Variants in EPB41L3 observed in about 807,000 individuals in gnomAD.
The protein encoded by EPB41L3 is erythrocyte membrane protein band 4.1 like 3, also known as band 4.1-like protein 3.
In EPB41L3, 57 loss-of-function variants were observed where a neutral mutation model predicts 127.1. The ratio of observed to expected loss-of-function variants is 0.45; its 90% CI spans 0.36 to 0.56. EPB41L3 has a LOEUF of 0.56. Among genes scored for constraint, EPB41L3 ranks in the 20% least tolerant of loss-of-function variants. The probability of loss-of-function intolerance (pLI) is 0.00; values close to 1 mark genes in which losing one functional copy is unlikely to be tolerated. For missense variants in EPB41L3, 1,273 were observed against 1,372.2 expected (o/e 0.93, Z 1.14); for synonymous variants, 572 against 549.5 (o/e 1.04, Z -0.57).
intron 8 of EPB41L3, among the ~76,000 whole-genome samples, 181 bp from the exon 9 acceptor site, chr18:5,428,646 C>T (rs1475285025): frequency 6.6e-6 from 1 of 152,184 alleles, no homozygotes; most frequent in Non-Finnish European, 1.5e-5. Flanking sequence ...ATGTTTATCA[C>T]TATGGAGAGG....
chr18:5,419,294 T>C (rs2077188520), intron 12 of EPB41L3, among the ~76,000 whole-genome samples: 1 of 152,164 alleles, frequency 6.6e-6, no homozygotes, highest in Non-Finnish European at 1.5e-5. Flanking sequence ...GTACTTACAG[T>C]CAGAAGAATG....
At chr18:5,412,897 A>C (rs1302777681) in intron 13 of EPB41L3, among the ~76,000 whole-genome samples, 2 of 151,934 alleles carry the variant, frequency 1.3e-5, no homozygotes, top group Non-Finnish European at 2.9e-5. Context: ...TGCCTATAAC[A>C]ATTATATTAT....
chr18:5,412,532 T>C (rs967250343), intron 13 of EPB41L3, among the ~76,000 whole-genome samples: 5 of 152,248 alleles, frequency 3.3e-5, no homozygotes, highest in Admixed American at 6.5e-5. Flanking sequence ...CCAGCTCGAA[T>C]GACTTGCATT....
intron 1 of EPB41L3, among the ~76,000 whole-genome samples, chr18:5,519,207 CT>C (rs1487130977): frequency 6.6e-6 from 1 of 152,198 alleles, no homozygotes; most frequent in African/African-American, 2.4e-5. Context: ...AAAAACTGTC[CT>C]TGTTGCCGGG....
chr18:5,448,729 A>G (rs1965652), intron 3 of EPB41L3, among the ~76,000 whole-genome samples: 104,120 of 152,032 alleles, frequency 0.68, 36,340 homozygotes, highest in East Asian at 0.83. Flanking sequence ...TTCAGTTTGT[A>G]TATACTATTC....
chr18:5,464,695 G>C (rs193299986), intron 3 of EPB41L3, among the ~76,000 whole-genome samples: 20 of 152,208 alleles, frequency 1.3e-4, no homozygotes, highest in Non-Finnish European at 2.5e-4. Flanking sequence ...TGCTATGGAA[G>C]GGCAAATATA....
intron 3 of EPB41L3, among the ~76,000 whole-genome samples, chr18:5,456,670 G>A (rs75388831): frequency 4.5e-4 from 68 of 152,280 alleles, no homozygotes; most frequent in African/African-American, 1.6e-3. Flanking sequence ...CCCTGTTTGA[G>A]CCACTGAGGG....
intron 5 of EPB41L3, among the ~76,000 whole-genome samples, chr18:5,442,186 C>T (rs1197932506): frequency 6.6e-6 from 1 of 152,094 alleles, no homozygotes; most frequent in Non-Finnish European, 1.5e-5. Flanking sequence ...CTCTTTAATA[C>T]TCCTTAGAAA....
At chr18:5,584,892 A>T (rs1304058368) in intron 3 of EPB41L3, among the ~76,000 whole-genome samples, 1 of 152,230 alleles carries the variant, frequency 6.6e-6, no homozygotes, top group African/African-American at 2.4e-5. Context: ...TCTTAAATAA[A>T]AAAATGAATA....
chr18:5,598,697 C>G (rs530771790), intron 3 of EPB41L3, among the ~76,000 whole-genome samples: 14 of 152,142 alleles, frequency 9.2e-5, no homozygotes, highest in African/African-American at 3.4e-4. Flanking sequence ...AAGGAAGGCT[C>G]TCATTGCTGG....
chr18:5,417,563 G>A (rs1335320947), intron 12 of EPB41L3, among the ~76,000 whole-genome samples: 1 of 152,160 alleles, frequency 6.6e-6, no homozygotes, highest in South Asian at 2.1e-4. Flanking sequence ...TGTGTGTTTT[G>A]CCCAGTGGCC....
At chr18:5,626,006 T>G (rs751599700) in intron 1 of EPB41L3, among the ~76,000 whole-genome samples, 3 of 151,988 alleles carry the variant, frequency 2.0e-5, no homozygotes, top group Non-Finnish European at 4.4e-5. Flanking sequence ...GCTGCTTGAC[T>G]GAAATCGCAC....
At chr18:5,481,820 C>T (rs991809246) in intron 2 of EPB41L3, among the ~76,000 whole-genome samples, 3 of 152,176 alleles carry the variant, frequency 2.0e-5, no homozygotes, top group East Asian at 3.9e-4. Flanking sequence ...CCATCGCTTA[C>T]GAGAGCCAAG....
chr18:5,433,008 G>A (rs1329002848), intron 8 of EPB41L3, among the ~76,000 whole-genome samples: 5 of 152,172 alleles, frequency 3.3e-5, no homozygotes, highest in East Asian at 1.9e-4. Flanking sequence ...TTGGACAATC[G>A]GCTGAGTTCG....
At chr18:5,445,692 C>A (rs150625651) in intron 3 of EPB41L3, among the ~76,000 whole-genome samples, 2 of 152,176 alleles carry the variant, frequency 1.3e-5, no homozygotes, top group Admixed American at 6.5e-5. Flanking sequence ...GGGCCATGGA[C>A]GGTTACTGGT....
At chr18:5,413,247 T>C (rs904466805) in intron 13 of EPB41L3, among the ~76,000 whole-genome samples, 5 of 152,212 alleles carry the variant, frequency 3.3e-5, no homozygotes, top group African/African-American at 9.6e-5. Flanking sequence ...GAAATACACA[T>C]GTAATTGCAT....
rs2073035540 is a variant in EPB41L3 at position 5,394,669 on chromosome 18, C to T, written c.*6+8G>A. On this transcript the variant is annotated splice_region_variant and intron_variant, in intron 22 of 22. Transcript: ENST00000341928. ...AGGCAAGCCTAGAGAATCGGCATCA[C>T]CTCTTACCTCTGGTCAATCCTCTCC... 6.2e-7 allele frequency: 1 copy of T among 1,610,366 alleles called. No individual in the cohort carries two copies. Among genetic ancestry groups the T allele is most frequent in the Non-Finnish European group, 8.5e-7 (1 of 1,176,796 alleles).
Position 5,394,706 on chromosome 18 carries a change from T to A in EPB41L3, c.3241A>T (p.Thr1081Ser), listed in dbSNP as rs1411880414. The A allele has an allele frequency of 6.2e-7, 1 of 1,614,174 alleles. No homozygotes were observed. Among genetic ancestry groups the A allele is most frequent in the Admixed American group, 1.7e-5 (1 of 60,026 alleles). ...KVVVHKETEI[T>S]PEDGED The stretch of plus-strand genomic sequence containing the variant: ...GGTCAATCCTCTCCATCTTCTGGTG[T>A]GATCTCTGTCTCTTTATGGACCACT... Residue 1081 changes from threonine (T) to serine (S), a missense_variant, in exon 22 of 23, where the codon ACA (threonine) becomes TCA (serine). Around this residue, in one of 3 missense-constraint regions of EPB41L3, gnomAD observed 765 missense variants for 782.9 expected, o/e 0.98. Transcript: ENST00000341928.
At chr18:5,454,981 C>T (rs2082817169) in intron 3 of EPB41L3, among the ~76,000 whole-genome samples, 1 of 152,226 alleles carries the variant, frequency 6.6e-6, no homozygotes, top group African/African-American at 2.4e-5. Flanking sequence ...GGTTCTACAA[C>T]TAATCAGCTC....
Sources: gnomAD v4.1 joint callset for allele counts (sites outside exome capture counted in the v4.1 genomes callset) on GRCh38, gnomAD v4.1.1 for gene constraint, gnomAD v4.1.1 regional missense constraint, MANE v1.5 for transcripts, NCBI Gene and HGNC (gene_info 2026-07-23, HGNC 2026-07-21) for gene names.